ASAH1: variants seen among roughly 807,000 people sequenced by gnomAD.
ASAH1 encodes the protein N-acylsphingosine amidohydrolase 1.
Under a neutral mutation model 59.5 loss-of-function variants are expected in ASAH1, and 70 were observed. That is an observed-to-expected ratio of 1.18 (90% confidence interval 0.97 to 1.43). ASAH1 has a LOEUF of 1.43. ASAH1 is among the 40% of genes most tolerant of loss of function. The pLI is 0.00. For synonymous variants in ASAH1, 213 were observed against 166.5 expected, an observed-to-expected ratio of 1.28 and a Z score of -2.15; for missense variants, 660 against 482.5, an observed-to-expected ratio of 1.37 and a Z score of -3.45.
chr8:18,069,992 A>T (rs987628575), intron 3 of ASAH1, 114 bp from the exon 4 acceptor site: 28 of 684,648 alleles, frequency 4.1e-5, no homozygotes, highest in South Asian at 2.3e-4. Context: ...TTATATATAT[A>T]TTTTTTAAAA....
upstream of ASAH1, chr8:18,084,438 G>A: frequency 7.3e-7 from 1 of 1,364,320 alleles, no homozygotes; most frequent in Non-Finnish European, 9.6e-7. Flanking sequence ...CCTCTAGCAG[G>A]CGGGTGCAGC....
chr8:18,060,180 T>C (rs925790670), intron 10 of ASAH1: 2 of 167,276 alleles, frequency 1.2e-5, no homozygotes, highest in South Asian at 1.5e-4. Context: ...TTTTTAGAGA[T>C]GGGCTCTCAC....
Position 18,069,568 on chromosome 8 carries a change from C to T in ASAH1, c.303+224G>A, listed in dbSNP as rs140489980. On this transcript the variant is annotated intron_variant, in intron 4 of 13. Transcript: ENST00000637790. ...TGAAATATGGTTATTTGCCCAATGT[C>T]GTAATGTAGTCCCATCCCCTTTTAC... 7.2e-5 allele frequency: 34 copies of T among 474,686 alleles called. 1 individual carries two copies. Among genetic ancestry groups the T allele is most frequent in the East Asian group, 3.1e-4 (8 of 25,992 alleles). 29.4% of individuals were successfully genotyped at this position (474,686 alleles called of 1,614,324 possible). A position where few individuals can be genotyped will look rare whatever the true frequency, so the allele number is the denominator to read the frequency against.
intron 1 of ASAH1, chr8:18,075,859 T>C (rs1800383228): frequency 2.1e-6 from 1 of 481,632 alleles, no homozygotes; most frequent in Non-Finnish European, 3.8e-6. Context: ...AACGAACAAA[T>C]GTAACAAAGT....
chr8:18,084,250 G>T (rs569071114), upstream of ASAH1: 17 of 1,461,450 alleles, frequency 1.2e-5, no homozygotes, highest in Middle Eastern at 2.5e-4. Context: ...CCACGAAAAG[G>T]GTGGCGTAGA....
At chr8:18,084,853 G>C (rs1800831774), upstream of ASAH1, 1 of 1,604,810 alleles carries the variant, frequency 6.2e-7, no homozygotes, top group Non-Finnish European at 8.5e-7. Flanking sequence ...GGGCGGAGCA[G>C]AGCTCAGCTT....
At chr8:18,077,407 T>C (rs1427423593) in intron 1 of ASAH1, among the ~76,000 whole-genome samples, 1 of 152,240 alleles carries the variant, frequency 6.6e-6, no homozygotes, top group Non-Finnish European at 1.5e-5. Context: ...GCAGATTCCA[T>C]TCCAGGTTAT....
At chr8:18,064,268 A>G in intron 6 of ASAH1, 189 bp downstream of exon 6, 1 of 607,858 alleles carries the variant, frequency 1.6e-6, no homozygotes, top group South Asian at 2.1e-5. Flanking sequence ...TTTAATAGGC[A>G]GTACAGTAGT....
chr8:18,062,146 G>T, intron 8 of ASAH1, 133 bp downstream of exon 8: 1 of 1,218,556 alleles, frequency 8.2e-7, no homozygotes, highest in Non-Finnish European at 1.2e-6. Flanking sequence ...CCTATGAAGT[G>T]ACAAGAAGTA....
At chr8:18,083,909 C>T in intron 1 of ASAH1, 72 bp downstream of exon 1, 1 of 1,547,082 alleles carries the variant, frequency 6.5e-7, no homozygotes, top group Non-Finnish European at 8.7e-7. Context: ...CCGCTCGCGC[C>T]GCCACACCTG....
chr8:18,061,234 T>A (rs17636110), intron 10 of ASAH1, 143 bp downstream of exon 10: 1 of 676,946 alleles, frequency 1.5e-6, no homozygotes, highest in Non-Finnish European at 2.5e-6. Context: ...ACATGAGTAA[T>A]TCCACATGAG....
intron 6 of ASAH1, chr8:18,064,083 T>C (rs113230738): frequency 9.4e-5 from 34 of 363,188 alleles, no homozygotes; most frequent in African/African-American, 6.5e-4. Context: ...GGAGAATGTG[T>C]GTTCTGGGCC....
In ASAH1 at chr8:18,071,348, T is replaced by TA; in HGVS notation, c.167dup (p.Leu56PhefsTer9). The TA allele has an allele frequency of 6.2e-7, 1 of 1,604,854 alleles. No individual in the cohort carries two copies. Among genetic ancestry groups the TA allele is most frequent in the South Asian group, 1.1e-5 (1 of 89,810 alleles). On this transcript the variant is annotated frameshift_variant, in exon 3 of 14. Coordinates refer to ENST00000637790, the MANE Select transcript of ASAH1 (RefSeq NM_177924.5). LOFTEE classifies it high-confidence loss of function. ...ATTCATGCCATCTTTTGTAGGGTGG[T>TA]AAGTCAAGATTTATGGTGTACCATG...
At position 18,071,231 on chromosome 8, in the gene ASAH1, A is replaced by C. The variant is rs533226592; in HGVS notation, c.216+69T>G. On this transcript the variant is annotated intron_variant, in intron 3 of 13. Transcript: ENST00000637790. ...CAAAACAAAAAAAAAATCAATCAAT[A>C]AATAAAAATAAAGAAATAAAATAAA... 2.6e-5 allele frequency: 22 copies of C among 839,436 alleles called. No individual in the cohort carries two copies. The African/African-American group carries it at 2.9e-4, about 11-fold the overall frequency. The allele number at this position is 839,436 out of a possible 1,614,324, so 52.0% of individuals were successfully genotyped here.
intron 7 of ASAH1, 29 bp downstream of exon 7, chr8:18,063,156 C>A: frequency 6.2e-7 from 1 of 1,610,514 alleles, no homozygotes; most frequent in Non-Finnish European, 8.5e-7. Flanking sequence ...GCGTGAACCA[C>A]CATGCCTGAC....
rs200250682 is a variant in ASAH1, at chr8:18,064,495, A to C, written c.419T>G (p.Phe140Cys). Reference protein sequence around the residue: ...IISFNIFYELFTICTSIVAED... With the variant: ...IISFNIFYELCTICTSIVAED... ...TGCTACTATTGAAGTACAAATGGTA[A>C]ATAATTCATAAAAAATATTGAATGA... is the stretch of plus-strand genomic sequence containing the variant. Residue 140 changes from phenylalanine to cysteine, a missense_variant, in exon 6 of 14, where the codon TTT becomes TGT. Transcript: ENST00000637790. The C allele has an allele frequency of 2.7e-5, 43 of 1,577,492 alleles. No individual in the cohort carries two copies. Among genetic ancestry groups the C allele is most frequent in the Non-Finnish European group, 1.7e-6 (2 of 1,149,738 alleles).
rs1400874100 is a variant in ASAH1, at chr8:18,064,478, T to C, written c.436A>G (p.Ile146Val). The change falls in exon 6 of 14, where the codon ATA becomes GTA. Residue 146 changes from isoleucine (I) to valine (V), a missense_variant. Ile to Val is a conservative substitution (Grantham distance 29, BLOSUM62 3). Coordinates refer to ENST00000637790, the MANE Select transcript of ASAH1 (RefSeq NM_177924.5). ...FYELFTICTS[I>V]VAEDKKGHLI... ...TTACCTTTTTTGTCTTCTGCTACTA[T>C]TGAAGTACAAATGGTAAATAATTCA... The C allele has an allele frequency of 1.9e-6, 3 of 1,580,302 alleles. No homozygotes were observed. The highest frequency in any genetic ancestry group is 2.6e-6 in the Non-Finnish European group (3 of 1,151,000).
At chr8:18,075,058 C>G (rs557623237) in intron 2 of ASAH1, among the ~76,000 whole-genome samples, 13 of 145,368 alleles carry the variant, frequency 8.9e-5, no homozygotes, top group South Asian at 4.5e-4. Flanking sequence ...TGCAGTGGTG[C>G]GATCTCGGCT....
At chr8:18,083,959 G>C in intron 1 of ASAH1, 22 bp downstream of exon 1, 2 of 1,594,850 alleles carry the variant, frequency 1.3e-6, no homozygotes, top group East Asian at 2.2e-5. Context: ...CCCTCTCTGC[G>C]CCTCGGCTCA....
Sources: gnomAD v4.1 joint callset for allele counts (sites outside exome capture counted in the v4.1 genomes callset) on GRCh38, gnomAD v4.1.1 for gene constraint, MANE v1.5 for transcripts, NCBI Gene and HGNC (gene_info 2026-07-23, HGNC 2026-07-21) for gene names.